The following PAPPA variants were observed in gnomAD, a reference collection of about 807,000 sequenced individuals.
The protein encoded by PAPPA is pappalysin-1.
In PAPPA, 60 loss-of-function variants were observed where a neutral mutation model predicts 164.0. The observed-to-expected ratio is 0.37, with a 90% CI of 0.30 to 0.45. PAPPA has a LOEUF of 0.45. Ranked by LOEUF, PAPPA falls within the 20% of genes least tolerant of loss-of-function variation. The pLI is 1.00. For synonymous variants in PAPPA, 875 were observed against 814.1 expected (o/e 1.07, Z -1.27); for missense variants, 1,782 against 2,087.3 (o/e 0.85, Z 2.85).
rs1483078474 is a variant in PAPPA, at chr9:116,347,149, G to A, written c.3904G>A (p.Glu1302Lys). The part of the protein sequence containing the change: ...QVYAASFSCP[E>K]GTTFGSQCSF... ...CTATGCTGCCTCCTTCTCCTGCCCT[G>A]AGGGCACCACCTTTGGCAGTCAATG... Residue 1302 changes from glutamate (E) to lysine (K), a missense_variant, in exon 15 of 22, where the codon GAG becomes AAG. Around this residue, in one of 2 missense-constraint regions of PAPPA, gnomAD observed 1,324 missense variants for 1,656.9 expected, o/e 0.80. Transcript: ENST00000328252. This position sits in a 1 kb window ranked among gnomAD's most constrained non-coding sequence, Gnocchi z 4.5. 8 of 1,613,972 alleles carry A rather than the reference G, an allele frequency of 5.0e-6. No homozygotes were observed. Among genetic ancestry groups the A allele is most frequent in the Admixed American group, 1.7e-5 (1 of 59,994 alleles).
chr9:116,307,892 T>G (rs1384361042), intron 10 of PAPPA, among the ~76,000 whole-genome samples: 1 of 151,998 alleles, frequency 6.6e-6, no homozygotes, highest in African/African-American at 2.4e-5. Context: ...CTGGTAGAAA[T>G]TAAGATGAAT....
chr9:116,253,182 T>C (rs1173127190), intron 7 of PAPPA, among the ~76,000 whole-genome samples: 1 of 151,540 alleles, frequency 6.6e-6, no homozygotes, highest in East Asian at 1.9e-4. Context: ...AAAAAAAGCC[T>C]CCCTAAGCCT....
chr9:116,351,931 G>A (rs765540573), intron 15 of PAPPA, among the ~76,000 whole-genome samples: 40 of 152,174 alleles, frequency 2.6e-4, no homozygotes, highest in Non-Finnish European at 2.9e-5. Flanking sequence ...CAAGTTTCAG[G>A]TCCTCCTCTA....
chr9:116,219,017 C>T (rs1037483502), intron 4 of PAPPA, among the ~76,000 whole-genome samples: 1 of 152,202 alleles, frequency 6.6e-6, no homozygotes, highest in Non-Finnish European at 1.5e-5. Flanking sequence ...GGTTTGTTCC[C>T]AGGTCTGCCT....
chr9:116,350,219 G>C (rs1267540968), intron 15 of PAPPA, among the ~76,000 whole-genome samples: 2 of 152,224 alleles, frequency 1.3e-5, no homozygotes, highest in African/African-American at 4.8e-5. Flanking sequence ...CTCAGGCAGA[G>C]AGTTGGCAGT....
intron 2 of PAPPA, 137 bp from the exon 3 acceptor site, chr9:116,207,319 T>G: frequency 1.6e-6 from 1 of 609,012 alleles, no homozygotes; most frequent in South Asian, 2.6e-5. Context: ...ATAATATTAT[T>G]GGGGGAATTC....
chr9:116,286,557 C>T (rs1467517006), intron 9 of PAPPA: 1 of 152,122 alleles, frequency 6.6e-6, no homozygotes, highest in East Asian at 1.9e-4. Flanking sequence ...AGCTGAAGGT[C>T]CCCATCTCGC....
chr9:116,175,462 C>A (rs191472233), intron 1 of PAPPA, among the ~76,000 whole-genome samples: 3 of 152,086 alleles, frequency 2.0e-5, no homozygotes, highest in African/African-American at 7.2e-5. Flanking sequence ...ATAATGTATA[C>A]GTATTTCATA....
At chr9:116,200,566 C>T (rs910236072) in intron 2 of PAPPA, among the ~76,000 whole-genome samples, 7 of 152,136 alleles carry the variant, frequency 4.6e-5, no homozygotes, top group African/African-American at 1.7e-4. Context: ...AAAAATACTT[C>T]AACAGTTCCA....
intron 10 of PAPPA, among the ~76,000 whole-genome samples, chr9:116,322,324 C>T (rs370736361): frequency 2.2e-4 from 33 of 150,656 alleles, no homozygotes; most frequent in East Asian, 1.4e-3. Flanking sequence ...GCAGGAGAAC[C>T]GCTTGAACCT....
At chr9:116,169,395 C>A (rs894864433) in intron 1 of PAPPA, among the ~76,000 whole-genome samples, 11 of 132,956 alleles carry the variant, frequency 8.3e-5, no homozygotes, top group Non-Finnish European at 1.5e-4. Context: ...TCTTGGCTTA[C>A]TGCAACCTCC....
Position 116,331,364 on chromosome 9 carries a change from T to C in PAPPA, c.3261+7T>C. 6.5e-7 allele frequency: 1 copy of C among 1,539,308 alleles called. No individual in the cohort carries two copies. The highest frequency in any genetic ancestry group is 9.0e-7 in the Non-Finnish European group (1 of 1,111,834). Reference sequence around the variant, plus strand: ...GACCACTTTTTGGCTCCGGGTAAGCTGAAGCTCTGAGAGCTTTGGAATCTC... The same window carrying C: ...GACCACTTTTTGGCTCCGGGTAAGCCGAAGCTCTGAGAGCTTTGGAATCTC... On this transcript the variant is annotated splice_region_variant and intron_variant, in intron 11 of 21. Coordinates refer to ENST00000328252, the MANE Select transcript of PAPPA (RefSeq NM_002581.5).
intron 16 of PAPPA, 82 bp from the exon 17 acceptor site, chr9:116,353,540 G>C: frequency 8.0e-7 from 1 of 1,248,326 alleles, no homozygotes; most frequent in Non-Finnish European, 1.1e-6. Flanking sequence ...GGAAATGGGG[G>C]CCCAGCTGGT....
chr9:116,394,182 T>A (rs1023181494), intron 21 of PAPPA, among the ~76,000 whole-genome samples: 32 of 151,994 alleles, frequency 2.1e-4, no homozygotes, highest in African/African-American at 7.7e-4. Context: ...ATTGTTCAAG[T>A]GTGGAAGGTG....
At chr9:116,162,047 C>T (rs1843670281) in intron 1 of PAPPA, among the ~76,000 whole-genome samples, 1 of 152,064 alleles carries the variant, frequency 6.6e-6, no homozygotes, top group Non-Finnish European at 1.5e-5. Flanking sequence ...GAGGAGCTCC[C>T]CATCCCCTCC....
chr9:116,374,550 G>A (rs2118675105), intron 19 of PAPPA, among the ~76,000 whole-genome samples: 1 of 152,324 alleles, frequency 6.6e-6, no homozygotes, highest in South Asian at 2.1e-4. Context: ...AAAAGCCTTG[G>A]AAAGATAAAT....
intron 9 of PAPPA, among the ~76,000 whole-genome samples, chr9:116,276,452 A>G (rs1845199290): frequency 1.3e-5 from 2 of 152,110 alleles, no homozygotes; most frequent in South Asian, 4.1e-4. Flanking sequence ...GTTTAGATCT[A>G]GAGGCCTCCT....
intron 6 of PAPPA, among the ~76,000 whole-genome samples, chr9:116,233,053 C>A (rs1014053977): frequency 1.3e-5 from 2 of 152,202 alleles, no homozygotes; most frequent in Admixed American, 1.3e-4. Context: ...GTTCACCTGG[C>A]ACCCACCATC....
chr9:116,154,993 C>A lies in PAPPA; in HGVS notation c.415+406C>A, dbSNP rs1453824336. On this transcript the variant is annotated intron_variant, in intron 1 of 21. Coordinates refer to ENST00000328252, the MANE Select transcript of PAPPA (RefSeq NM_002581.5). This position sits in a 1 kb window ranked among gnomAD's most constrained non-coding sequence, Gnocchi z 5.2. ...ACTTGGGGACCGTTGATTTCTTTGA[C>A]GTTTTAATGGAGGTAACTCCCCTTC... Among the ~76,000 whole-genome samples the A allele has an allele frequency of 6.6e-6, 1 of 152,204 alleles. No individual in the cohort carries two copies. Among genetic ancestry groups the A allele is most frequent in the Non-Finnish European group, 1.5e-5 (1 of 68,030 alleles).
Sources: allele counts gnomAD v4.1 joint callset (sites outside exome capture counted in the v4.1 genomes callset), GRCh38; gene constraint gnomAD v4.1.1; regional missense constraint gnomAD v4.1.1; non-coding constraint Gnocchi (gnomAD v3.1); transcripts MANE v1.5; gene names NCBI Gene and HGNC (gene_info 2026-07-23, HGNC 2026-07-21).